Variants in LRMDA observed in about 807,000 individuals in gnomAD.
LRMDA encodes the protein leucine-rich melanocyte differentiation-associated protein.
In LRMDA, 18 loss-of-function variants were observed where a neutral mutation model predicts 29.8. The observed-to-expected ratio is 0.60, with a 90% CI of 0.42 to 0.90. The LOEUF (loss-of-function observed/expected upper bound fraction) is 0.90. Ranked by LOEUF, LRMDA falls within the 40% of genes least tolerant of loss-of-function variation. LRMDA has a pLI of 0.00. For synonymous variants in LRMDA, 125 were observed against 109.4 expected (o/e 1.14, Z -0.89); for missense variants, 273 against 273.9 (o/e 1.00, Z 0.02).
At chr10:76,045,855 C>T (rs374409561) in intron 3 of LRMDA, among the ~76,000 whole-genome samples, 3 of 152,062 alleles carry the variant, frequency 2.0e-5, no homozygotes, top group East Asian at 1.9e-4. Context: ...GACCCAATTC[C>T]GACATTGGTT....
At chr10:75,974,706 G>T (rs1847039545) in intron 2 of LRMDA, among the ~76,000 whole-genome samples, 1 of 152,144 alleles carries the variant, frequency 6.6e-6, no homozygotes, top group South Asian at 2.1e-4. Flanking sequence ...CAGACAGGTA[G>T]TGAGCAATGG....
At chr10:75,699,053 TAGTC>T (rs1225533072) in intron 2 of LRMDA, among the ~76,000 whole-genome samples, 4 of 151,800 alleles carry the variant, frequency 2.6e-5, no homozygotes, top group African/African-American at 7.3e-5. Context: ...ATACAAAAAA[TAGTC>T]AGGTGTGGTG....
intron 2 of LRMDA, among the ~76,000 whole-genome samples, chr10:75,884,499 G>A (rs1845349774): frequency 6.6e-6 from 1 of 152,134 alleles, no homozygotes; most frequent in Non-Finnish European, 1.5e-5. Context: ...CTGTGATCTA[G>A]CAGAAGCAGA....
intron 2 of LRMDA, among the ~76,000 whole-genome samples, chr10:75,761,794 G>GTTTTTTTTTT (rs796289608): frequency 1.6e-5 from 2 of 121,710 alleles, no homozygotes; most frequent in African/African-American, 3.4e-5. Context: ...GTATACTTTT[G>GTTTTTTTTTT]TTTTTTTTTT....
chr10:76,114,854 T>C (rs1355335573), intron 5 of LRMDA, among the ~76,000 whole-genome samples: 2 of 152,260 alleles, frequency 1.3e-5, no homozygotes, highest in African/African-American at 4.8e-5. Flanking sequence ...AAGCCCTTTC[T>C]GGAGGCCTTT....
chr10:75,685,385 G>A (rs1368485463), intron 2 of LRMDA, among the ~76,000 whole-genome samples: 3 of 152,200 alleles, frequency 2.0e-5, no homozygotes, highest in African/African-American at 7.2e-5. Context: ...CACAAACATG[G>A]GCAGTGGCAT....
chr10:76,010,782 G>A (rs2132479580), intron 2 of LRMDA, among the ~76,000 whole-genome samples: 1 of 152,336 alleles, frequency 6.6e-6, no homozygotes, highest in South Asian at 2.1e-4. Flanking sequence ...TCCTGCCTGT[G>A]GCTGGCCCTC....
intron 6 of LRMDA, among the ~76,000 whole-genome samples, chr10:76,543,748 T>G (rs944805526): frequency 3.3e-5 from 5 of 152,180 alleles, no homozygotes; most frequent in Admixed American, 1.3e-4. Context: ...TGCCACCCCC[T>G]CGCCAGCTTC....
intron 2 of LRMDA, among the ~76,000 whole-genome samples, chr10:75,939,020 G>A (rs1360573840): frequency 6.6e-6 from 1 of 152,206 alleles, no homozygotes; most frequent in African/African-American, 2.4e-5. Flanking sequence ...CCAGCGCTCG[G>A]CATGAAATCC....
chr10:75,994,522 C>G (rs556528298), intron 2 of LRMDA, among the ~76,000 whole-genome samples: 1 of 152,256 alleles, frequency 6.6e-6, no homozygotes, highest in Non-Finnish European at 1.5e-5. Flanking sequence ...CCTGACTCTG[C>G]GAGAACATTC....
intron 2 of LRMDA, among the ~76,000 whole-genome samples, chr10:75,947,547 G>A (rs1427076735): frequency 6.6e-6 from 1 of 152,174 alleles, no homozygotes; most frequent in East Asian, 1.9e-4. Context: ...GGACCCTTGG[G>A]TACTGATGAG....
intron 2 of LRMDA, among the ~76,000 whole-genome samples, chr10:75,716,794 G>A (rs1334027370): frequency 3.3e-5 from 5 of 152,136 alleles, no homozygotes; most frequent in Non-Finnish European, 2.9e-5. Context: ...GAGTGACTCC[G>A]TTTATAATAA....
intron 5 of LRMDA, among the ~76,000 whole-genome samples, chr10:76,247,336 G>A (rs1247484): frequency 0.52 from 79,643 of 151,980 alleles, 21,140 homozygotes; most frequent in South Asian, 0.64. Flanking sequence ...CTCAGAATTT[G>A]AGGCAACATC....
chr10:75,626,802 A>T (rs1477194280), intron 2 of LRMDA, among the ~76,000 whole-genome samples: 1 of 152,152 alleles, frequency 6.6e-6, no homozygotes, highest in East Asian at 1.9e-4. Flanking sequence ...GGCTATGTTG[A>T]CTGACAGAGA....
intron 6 of LRMDA, among the ~76,000 whole-genome samples, chr10:76,523,613 G>A (rs1200719958): frequency 2.0e-5 from 3 of 152,066 alleles, no homozygotes; most frequent in African/African-American, 7.2e-5. Flanking sequence ...AAGGGGGGTG[G>A]GAAGGGAGGG....
intron 6 of LRMDA, among the ~76,000 whole-genome samples, chr10:76,350,177 A>T (rs141261443): frequency 9.1e-4 from 138 of 152,074 alleles, no homozygotes; most frequent in Middle Eastern, 3.4e-3. Flanking sequence ...AACAAAAAAA[A>T]AAATAAATAA....
intron 6 of LRMDA, among the ~76,000 whole-genome samples, chr10:76,430,739 A>G (rs1842181924): frequency 1.3e-5 from 2 of 152,186 alleles, no homozygotes; most frequent in African/African-American, 2.4e-5. Context: ...GAATGTTCAG[A>G]GGAAATGTTA....
intron 2 of LRMDA, among the ~76,000 whole-genome samples, chr10:75,580,268 A>T (rs1840570263): frequency 6.6e-6 from 1 of 152,240 alleles, no homozygotes; most frequent in African/African-American, 2.4e-5. Context: ...ACATTCCTAT[A>T]CAGCAGTAAC....
chr10:76,152,802 T>C (rs11816038), intron 5 of LRMDA, among the ~76,000 whole-genome samples: 21,342 of 152,050 alleles, frequency 0.14, 1,676 homozygotes, highest in East Asian at 0.24. Context: ...TGCTCTTTGA[T>C]TATTTGTATA....
Sources: allele counts gnomAD v4.1 joint callset (sites outside exome capture counted in the v4.1 genomes callset), GRCh38; gene constraint gnomAD v4.1.1; transcripts MANE v1.5; gene names NCBI Gene and HGNC (gene_info 2026-07-23, HGNC 2026-07-21).